The following TAOK3 variants were observed in gnomAD, a reference collection of about 807,000 sequenced individuals.
The protein encoded by TAOK3 is TAO kinase 3.
A neutral mutation model predicts 120.4 loss-of-function variants in TAOK3; 40 were observed. The observed-to-expected ratio is 0.33, with a 90% CI of 0.26 to 0.43. The LOEUF (loss-of-function observed/expected upper bound fraction) is 0.43, where lower values mean the gene tolerates loss of function less well. TAOK3 is among the 20% of genes least tolerant of loss of function. The pLI, the probability that TAOK3 is intolerant of heterozygous loss-of-function variation, is 1.00. For synonymous variants in TAOK3, 355 were observed against 387.5 expected, an observed-to-expected ratio of 0.92 and a Z score of 0.99; for missense variants, 821 against 1,112.1, an observed-to-expected ratio of 0.74 and a Z score of 3.72.
At chr12:118,334,296 T>G (rs1431864871) in intron 1 of TAOK3, among the ~76,000 whole-genome samples, 2 of 152,042 alleles carry the variant, frequency 1.3e-5, no homozygotes, top group African/African-American at 4.8e-5. Flanking sequence ...TTATCCAACT[T>G]TAAAAAAGGA....
At chr12:118,339,345 C>T (rs1278899820) in intron 1 of TAOK3, among the ~76,000 whole-genome samples, 1 of 125,002 alleles carries the variant, frequency 8.0e-6, no homozygotes, top group African/African-American at 3.1e-5. Context: ...AGTGCAATGG[C>T]GCGATCTCGG....
chr12:118,205,755 CG>C (rs2038269328), intron 11 of TAOK3, among the ~76,000 whole-genome samples: 1 of 152,046 alleles, frequency 6.6e-6, no homozygotes, highest in Non-Finnish European at 1.5e-5. Context: ...GGATTACAGG[CG>C]TGCACCATTA....
intron 1 of TAOK3, among the ~76,000 whole-genome samples, chr12:118,269,698 T>G (rs1401325661): frequency 6.6e-6 from 1 of 152,256 alleles, no homozygotes; most frequent in East Asian, 1.9e-4. Flanking sequence ...TTAAAATGCA[T>G]GCATATTCTC....
At chr12:118,250,180 C>T (rs896961025) in intron 3 of TAOK3, among the ~76,000 whole-genome samples, 44 of 151,870 alleles carry the variant, frequency 2.9e-4, no homozygotes, top group South Asian at 8.3e-4. Flanking sequence ...AGGCTGGTCT[C>T]GAACTCCTGG....
At chr12:118,280,821 A>C (rs2042074564) in intron 1 of TAOK3, among the ~76,000 whole-genome samples, 1 of 152,228 alleles carries the variant, frequency 6.6e-6, no homozygotes, top group Non-Finnish European at 1.5e-5. Context: ...AAGTCTTCCT[A>C]TCCATGAGTA....
In TAOK3 at chr12:118,150,976, TA is replaced by T; in HGVS notation, c.*20del. ...GTTTTCTTTTTTTTTTTTTTTTTTGTAAATGGCAAAAAATTTAATCTCATCT... is the reference window on the plus strand; with the variant it reads ...GTTTTCTTTTTTTTTTTTTTTTTTGTAATGGCAAAAAATTTAATCTCATCT... On this transcript the variant is annotated 3_prime_UTR_variant, in exon 21 of 21. Coordinates refer to ENST00000392533, the MANE Select transcript of TAOK3 (RefSeq NM_016281.4). 5 of 1,515,582 alleles carry T rather than the reference TA, an allele frequency of 3.3e-6. No individual in the cohort carries two copies. The highest frequency in any genetic ancestry group is 1.3e-5 in the South Asian group (1 of 79,130). 93.9% of individuals were successfully genotyped at this position (1,515,582 alleles called of 1,614,324 possible).
chr12:118,270,938 A>G (rs2140315090), intron 1 of TAOK3, among the ~76,000 whole-genome samples: 1 of 151,978 alleles, frequency 6.6e-6, no homozygotes, highest in South Asian at 2.1e-4. Context: ...CAGCCTCCCA[A>G]AGTGCTGGGA....
chr12:118,349,043 C>T (rs1396023726), intron 1 of TAOK3, among the ~76,000 whole-genome samples: 1 of 151,676 alleles, frequency 6.6e-6, no homozygotes, highest in East Asian at 2.0e-4. Flanking sequence ...AGGTGCTCAC[C>T]ACCACACCCA....
At chr12:118,207,881 C>CACACACACAT (rs1379336001) in intron 11 of TAOK3, among the ~76,000 whole-genome samples, 1 of 151,832 alleles carries the variant, frequency 6.6e-6, no homozygotes, top group Non-Finnish European at 1.5e-5. Context: ...CACACACACA[C>CACACACACAT]ACACACACAT....
chr12:118,266,726 T>G lies in TAOK3; in HGVS notation c.-160A>C, dbSNP rs2041464385. ...TAGCAGCAAACTTCTCTTTTCTCTT[T>G]TATAACTTCAGTCCTTTGTATTTAT... On this transcript the variant is annotated 5_prime_UTR_variant, in exon 2 of 21. Coordinates refer to ENST00000392533, the MANE Select transcript of TAOK3 (RefSeq NM_016281.4). The G allele has an allele frequency of 2.5e-6, 1 of 397,802 alleles. No homozygotes were observed. Among genetic ancestry groups the G allele is most frequent in the Non-Finnish European group, 4.4e-6 (1 of 225,688 alleles). 24.6% of individuals were successfully genotyped at this position (397,802 alleles called of 1,614,324 possible). A position where few individuals can be genotyped will look rare whatever the true frequency, so the allele number is the denominator to read the frequency against.
At position 118,362,317 on chromosome 12, in the gene TAOK3, T is replaced by TAAAA. The variant is rs10652375; in HGVS notation, c.-194+10327_-194+10330dup. On this transcript the variant is annotated intron_variant, in intron 1 of 20. Transcript: ENST00000392533. Reference sequence around the variant, plus strand: ...CCAACACTAACAATAGCTGATGGGCTAAAAAAAAAAAAAAAAAAAGGTCCA... The same window carrying TAAAA: ...CCAACACTAACAATAGCTGATGGGCTAAAAAAAAAAAAAAAAAAAAAAAGGTCCA... Among the ~76,000 whole-genome samples the TAAAA allele has an allele frequency of 5.1e-4, 54 of 105,508 alleles. 1 individual carries two copies. Among genetic ancestry groups the TAAAA allele is most frequent in the Non-Finnish European group, 6.7e-4 (35 of 52,088 alleles). 69.2% of individuals were successfully genotyped at this position (105,508 alleles called of 152,430 possible).
chr12:118,334,137 CAAAAAAA>C (rs57605394), intron 1 of TAOK3, among the ~76,000 whole-genome samples: 4 of 77,640 alleles, frequency 5.2e-5, no homozygotes, highest in African/African-American at 1.2e-4. Context: ...CTCCCATCTC[CAAAAAAA>C]AAAAAAAAAA....
intron 1 of TAOK3, among the ~76,000 whole-genome samples, chr12:118,304,150 G>A (rs545921846): frequency 7.2e-5 from 11 of 152,174 alleles, no homozygotes; most frequent in Non-Finnish European, 1.5e-4. Flanking sequence ...AGGCAAGCAC[G>A]TTTTTCAGAA....
At chr12:118,185,567 T>G (rs1412682719) in intron 14 of TAOK3, among the ~76,000 whole-genome samples, 3 of 152,194 alleles carry the variant, frequency 2.0e-5, no homozygotes, top group Non-Finnish European at 2.9e-5. Flanking sequence ...AAGAATACAG[T>G]GAGTCACATT....
intron 1 of TAOK3, among the ~76,000 whole-genome samples, chr12:118,271,703 GGGCCCTAC>G (rs2041706476): frequency 6.6e-6 from 1 of 152,088 alleles, no homozygotes; most frequent in South Asian, 2.1e-4. Context: ...TGGAAATGCT[GGGCCCTAC>G]GGCTTCTTTA....
chr12:118,350,808 T>G (rs1474141318), intron 1 of TAOK3, among the ~76,000 whole-genome samples: 25 of 144,522 alleles, frequency 1.7e-4, no homozygotes, highest in African/African-American at 6.2e-4. Context: ...TGCAGTGAGC[T>G]GAGGTCGTGC....
intron 9 of TAOK3, among the ~76,000 whole-genome samples, chr12:118,229,115 G>C (rs1363631783): frequency 3.5e-5 from 5 of 143,936 alleles, no homozygotes; most frequent in African/African-American, 5.1e-5. Context: ...TTTTTTTTTG[G>C]GGGGGACAGA....
At chr12:118,239,368 G>A in intron 5 of TAOK3, 96 bp from the exon 6 acceptor site, 1 of 683,054 alleles carries the variant, frequency 1.5e-6, no homozygotes, top group Non-Finnish European at 2.5e-6. Flanking sequence ...AGAATACTAG[G>A]TGAATAAATA....
intron 11 of TAOK3, among the ~76,000 whole-genome samples, chr12:118,202,436 C>A (rs910095771): frequency 1.8e-4 from 27 of 152,002 alleles, no homozygotes; most frequent in Non-Finnish European, 3.7e-4. Flanking sequence ...TTTGGAGGAA[C>A]CTCCATACTG....
Sources: gnomAD v4.1 joint callset for allele counts (sites outside exome capture counted in the v4.1 genomes callset) on GRCh38, gnomAD v4.1.1 for gene constraint, MANE v1.5 for transcripts, NCBI Gene and HGNC (gene_info 2026-07-23, HGNC 2026-07-21) for gene names.